PRIM2: variants seen among roughly 807,000 people sequenced by gnomAD.
PRIM2 encodes DNA primase subunit 2.
A neutral mutation model predicts 67.3 loss-of-function variants in PRIM2; 39 were observed. The observed-to-expected ratio is 0.58, with a 90% CI of 0.45 to 0.76. PRIM2 has a LOEUF of 0.76. Among genes scored for constraint, PRIM2 ranks in the 30% least tolerant of loss-of-function variants. The pLI, the probability that PRIM2 is intolerant of heterozygous loss-of-function variation, is 0.00. For synonymous variants in PRIM2, 143 were observed against 198.7 expected (o/e 0.72, Z 2.36); for missense variants, 398 against 598.7 (o/e 0.66, Z 3.50).
chr6:57,470,744 A>G (rs1410450332), intron 7 of PRIM2, among the ~76,000 whole-genome samples: 2 of 152,068 alleles, frequency 1.3e-5, no homozygotes, highest in African/African-American at 2.4e-5. Flanking sequence ...TACTAGTTAT[A>G]GCTAGTTTTA....
At chr6:57,382,761 A>T (rs1251488864) in intron 7 of PRIM2, 1 of 152,194 alleles carries the variant, frequency 6.6e-6, no homozygotes, top group Admixed American at 6.5e-5. Flanking sequence ...CATATTTTAC[A>T]GTTGTTGTCT....
intron 10 of PRIM2, among the ~76,000 whole-genome samples, chr6:57,587,392 C>T (rs1400871074): frequency 2.6e-5 from 4 of 152,014 alleles, no homozygotes; most frequent in African/African-American, 9.7e-5. Context: ...CAGCCGAGAG[C>T]GGTGGCTCAT....
chr6:57,236,731 C>A, the PRIM2 span, among the ~76,000 whole-genome samples: 42 of 152,160 alleles, frequency 2.8e-4, no homozygotes, highest in Non-Finnish European at 1.5e-4. Context: ...CATGTCTCTA[C>A]AAAGGACATG....
At chr6:57,494,289 G>A (rs1773958642) in intron 7 of PRIM2, among the ~76,000 whole-genome samples, 1 of 152,158 alleles carries the variant, frequency 6.6e-6, no homozygotes, top group Non-Finnish European at 1.5e-5. Context: ...GCAGTCAGAA[G>A]AATAGGCAGT....
chr6:57,407,829 T>G (rs1467644040), intron 7 of PRIM2, among the ~76,000 whole-genome samples: 4 of 152,226 alleles, frequency 2.6e-5, no homozygotes, highest in Admixed American at 2.6e-4. Context: ...AGGTTTCTAA[T>G]TTTTTAATAA....
intron 8 of PRIM2, among the ~76,000 whole-genome samples, chr6:57,520,111 T>C (rs1400075333): frequency 2.6e-5 from 4 of 152,214 alleles, no homozygotes; most frequent in Non-Finnish European, 5.9e-5. Context: ...AAGGATGTAA[T>C]GTGACTGTTG....
the PRIM2 span, among the ~76,000 whole-genome samples, chr6:57,281,463 C>A: frequency 2.6e-5 from 4 of 152,144 alleles, no homozygotes; most frequent in African/African-American, 9.7e-5. Context: ...CCGCATCTAA[C>A]AACAAACTTT....
At chr6:57,460,566 T>C (rs1365180577) in intron 7 of PRIM2, among the ~76,000 whole-genome samples, 9 of 152,072 alleles carry the variant, frequency 5.9e-5, no homozygotes, top group Non-Finnish European at 1.2e-4. Context: ...TTTAAGAGTT[T>C]ACTGATTTAA....
the PRIM2 span, among the ~76,000 whole-genome samples, chr6:57,255,788 A>G: frequency 6.6e-6 from 1 of 152,216 alleles, no homozygotes; most frequent in Non-Finnish European, 1.5e-5. Context: ...TATGGCAGAT[A>G]CAAATATGAA....
At chr6:57,439,016 T>C (rs892589890) in intron 7 of PRIM2, among the ~76,000 whole-genome samples, 1 of 152,132 alleles carries the variant, frequency 6.6e-6, no homozygotes, top group African/African-American at 2.4e-5. Context: ...TCCTAGTGTT[T>C]GAGCTTTTTA....
At chr6:57,333,301 C>T (rs1669954510) in intron 5 of PRIM2, among the ~76,000 whole-genome samples, 1 of 152,070 alleles carries the variant, frequency 6.6e-6, no homozygotes, top group South Asian at 2.1e-4. Flanking sequence ...GGTATACAGG[C>T]AAATACCTGT....
chr6:57,479,467 G>A (rs1473254931), intron 7 of PRIM2, among the ~76,000 whole-genome samples: 31 of 152,088 alleles, frequency 2.0e-4, no homozygotes, highest in African/African-American at 7.0e-4. Flanking sequence ...TTGTTTTTCA[G>A]GTCTTAACTG....
intron 12 of PRIM2, among the ~76,000 whole-genome samples, chr6:57,623,949 C>G (rs1251152955): frequency 6.6e-6 from 1 of 152,116 alleles, no homozygotes; most frequent in Non-Finnish European, 1.5e-5. Context: ...TATGATACAT[C>G]TTTTAATAAA....
At chr6:57,564,780 A>C (rs1300649178) in intron 10 of PRIM2, among the ~76,000 whole-genome samples, 1 of 152,176 alleles carries the variant, frequency 6.6e-6, no homozygotes, top group Non-Finnish European at 1.5e-5. Flanking sequence ...AATAATAGTA[A>C]AAATGTAGAA....
At chr6:57,449,912 T>C (rs1226438037) in intron 7 of PRIM2, among the ~76,000 whole-genome samples, 1 of 152,170 alleles carries the variant, frequency 6.6e-6, no homozygotes, top group Non-Finnish European at 1.5e-5. Context: ...AGTGCTTGAA[T>C]AGTAAAATTC....
At position 57,539,095 on chromosome 6, in the gene PRIM2, A is replaced by G. The variant is rs1273569769; in HGVS notation, c.1020+1470A>G. 1.4e-3 allele frequency among the ~76,000 whole-genome samples: 212 copies of G among 152,318 alleles called. 5 individuals carry two copies. The East Asian group carries it at 0.019, about 14-fold the overall frequency. ...CAGATTTGTTTTAAAAACTGTCTTC[A>G]TCGACAATTATCCATAGAATCTTAA... is the stretch of plus-strand genomic sequence containing the variant. On this transcript the variant is annotated intron_variant, in intron 10 of 13. Coordinates refer to ENST00000615550, the MANE Select transcript of PRIM2 (RefSeq NM_000947.5).
intron 7 of PRIM2, among the ~76,000 whole-genome samples, chr6:57,479,972 A>G (rs1350210878): frequency 6.6e-6 from 1 of 152,254 alleles, no homozygotes; most frequent in African/African-American, 2.4e-5. Context: ...GTCTGGATGA[A>G]GAAACCAAAG....
intron 13 of PRIM2, among the ~76,000 whole-genome samples, chr6:57,632,422 T>A (rs1777051617): frequency 6.6e-6 from 1 of 152,212 alleles, no homozygotes; most frequent in East Asian, 1.9e-4. Flanking sequence ...AGCTACATCA[T>A]GAGAAAATCT....
At chr6:57,581,246 A>AT (rs1363970270) in intron 10 of PRIM2, among the ~76,000 whole-genome samples, 1 of 152,078 alleles carries the variant, frequency 6.6e-6, no homozygotes, top group Non-Finnish European at 1.5e-5. Flanking sequence ...GGACTAGCAA[A>AT]TTCTACATCA....
Sources: allele counts gnomAD v4.1 joint callset (sites outside exome capture counted in the v4.1 genomes callset), GRCh38; gene constraint gnomAD v4.1.1; transcripts MANE v1.5; gene names NCBI Gene and HGNC (gene_info 2026-07-23, HGNC 2026-07-21).